KRT6A: variants seen among roughly 807,000 people sequenced by gnomAD.
KRT6A encodes keratin, type II cytoskeletal 6A.
In KRT6A, 28 loss-of-function variants were observed where a neutral mutation model predicts 48.6. The observed-to-expected ratio is 0.58, with a 90% CI of 0.43 to 0.79. The LOEUF (loss-of-function observed/expected upper bound fraction) is 0.79. KRT6A is among the 30% of genes least tolerant of loss of function. The probability of loss-of-function intolerance (pLI) is 0.00; values close to 1 mark genes in which losing one functional copy is unlikely to be tolerated. For missense variants in KRT6A, 687 were observed against 724.3 expected (o/e 0.95, Z 0.59); for synonymous variants, 301 against 294.2 (o/e 1.02, Z -0.24).
rs768293895 is a variant in KRT6A at position 52,487,864 on chromosome 12, A to G, written c.1551T>C (p.Tyr517=). ...LGLGGGSSYS[Y]GSGLGVGGGF... ...CACCTCCAACGCCAAGACCACTGCCATAGGAGTAGCTGCTTCCTCCACCCA... is the reference window on the plus strand; with the variant it reads ...CACCTCCAACGCCAAGACCACTGCCGTAGGAGTAGCTGCTTCCTCCACCCA... The change falls in exon 9 of 9, where the codon TAT becomes TAC. Residue 517 remains tyrosine, a synonymous_variant. Coordinates refer to ENST00000330722, the MANE Select transcript of KRT6A (RefSeq NM_005554.4). The G allele has an allele frequency of 5.0e-6, 8 of 1,614,052 alleles. No individual in the cohort carries two copies. The African/African-American group carries it at 8.0e-5, about 16-fold the overall frequency.
chr12:52,490,210 G>T, intron 5 of KRT6A, 142 bp from the exon 6 acceptor site: 1 of 1,524,278 alleles, frequency 6.6e-7, no homozygotes, highest in Non-Finnish European at 9.0e-7. Flanking sequence ...GATATTATGT[G>T]GTTGGTGGAT....
chr12:52,488,697 T>C (rs1221265668), intron 6 of KRT6A, 149 bp from the exon 7 acceptor site: 4 of 1,063,820 alleles, frequency 3.8e-6, no homozygotes, highest in Non-Finnish European at 5.5e-6. Flanking sequence ...TTTTTTTTTA[T>C]TTTGCAGTTT....
chr12:52,490,345 G>A (rs1938237755), intron 5 of KRT6A: 2 of 921,914 alleles, frequency 2.2e-6, no homozygotes, highest in Admixed American at 2.3e-5. Flanking sequence ...TAAATGCAGA[G>A]ATGACTATGT....
At chr12:52,491,328 GC>G (rs1938258157) in intron 2 of KRT6A, among the ~76,000 whole-genome samples, 156 bp from the exon 3 acceptor site, 1 of 151,980 alleles carries the variant, frequency 6.6e-6, no homozygotes, top group African/African-American at 2.4e-5. Context: ...TGCTAAATTT[GC>G]CACTTCTTTA....
rs562064061 is a variant in KRT6A, at chr12:52,488,530, C to T, written c.1222G>A (p.Ala408Thr). ...CCACGCTGCTCAGCATCAGCAATGGCGGCCTGCAGGTTGGCGCACTGGAAG... is the reference window on the plus strand; with the variant it reads ...CCACGCTGCTCAGCATCAGCAATGGTGGCCTGCAGGTTGGCGCACTGGAAG... Reference protein sequence around the residue: ...VKKQCANLQAAIADAEQRGEM... With the variant: ...VKKQCANLQATIADAEQRGEM... Residue 408 changes from alanine (A) to threonine (T), a missense_variant, in exon 7 of 9, where the codon GCC (alanine) becomes ACC (threonine). This residue lies in a region of KRT6A where 566 missense variants were observed against 565.3 expected (regional missense o/e 1.00). Coordinates refer to ENST00000330722, the MANE Select transcript of KRT6A (RefSeq NM_005554.4). The T allele has an allele frequency of 1.2e-5, 20 of 1,614,016 alleles. No homozygotes were observed. The highest frequency in any genetic ancestry group is 5.5e-5 in the South Asian group (5 of 91,074).
rs761237289 is a variant in KRT6A, at chr12:52,491,578, G to A, written c.699C>T (p.Gly233=). The A allele has an allele frequency of 9.9e-6, 16 of 1,614,128 alleles. No homozygotes were observed. The highest frequency in any genetic ancestry group is 1.3e-5 in the Non-Finnish European group (15 of 1,180,020). The change falls in exon 2 of 9, where the codon GGC becomes GGT. Residue 233 remains glycine, a synonymous_variant. Transcript: ENST00000330722. ...TGCCTCTGAGCTCTGAGTCCAGGCG[G>A]CCCCGTTCCCCGACAATGCTGTCCA... ...RQLDSIVGER[G]RLDSELRGMQ...
Position 52,490,638 on chromosome 12 carries a change from C to T in KRT6A, c.1008G>A (p.Glu336=), listed in dbSNP as rs759509125. The T allele has an allele frequency of 1.9e-6, 3 of 1,614,100 alleles. No individual in the cohort carries two copies. The highest frequency in any genetic ancestry group is 8.5e-7 in the Non-Finnish European group (1 of 1,180,056). The change falls in exon 5 of 9, where the codon GAG becomes GAA. Residue 336 remains glutamate (E), a synonymous_variant. Transcript: ENST00000330722. ...CAATCTCCTCATATTGGGCCTTGAC[C>T]TCAGCGATGATGCTGTCCAGGTCCA... The part of the protein sequence containing the change: ...RNLDLDSIIA[E]VKAQYEEIAQ...
Position 52,488,449 on chromosome 12 carries a change from G to T in KRT6A, c.1303C>A (p.Gln435Lys). 1 of 1,614,144 alleles carries T rather than the reference G, an allele frequency of 6.2e-7. No homozygotes were observed. Among genetic ancestry groups the T allele is most frequent in the Non-Finnish European group, 8.5e-7 (1 of 1,180,036 alleles). The change falls in exon 7 of 9, where the codon CAG becomes AAG. Residue 435 changes from glutamine to lysine, a missense_variant. Transcript: ENST00000330722. ...CGGGCCAGGTCCTGCTTGGCCTTCTGCAGGGCATCCTCCAGCCCTTCCAGC... is the reference window on the plus strand; with the variant it reads ...CGGGCCAGGTCCTGCTTGGCCTTCTTCAGGGCATCCTCCAGCCCTTCCAGC... ...NKLEGLEDAL[Q>K]KAKQDLARLL...
chr12:52,490,000 A>G lies in KRT6A; in HGVS notation c.1146T>C (p.Ala382=), dbSNP rs1938229924. The G allele has an allele frequency of 2.5e-6, 4 of 1,613,886 alleles. No individual in the cohort carries two copies. Among genetic ancestry groups the G allele is most frequent in the Non-Finnish European group, 3.4e-6 (4 of 1,180,012 alleles). Residue 382 remains alanine, a synonymous_variant, in exon 6 of 9, where the codon GCT becomes GCC. Coordinates refer to ENST00000330722, the MANE Select transcript of KRT6A (RefSeq NM_005554.4). ...GCCTCTGGATCATGCGGTTGATCTC[A>G]GCAATCTCCTGCTTGGTGTTGCGCA... ...DDLRNTKQEI[A]EINRMIQRLR...
At chr12:52,488,602 T>G in intron 6 of KRT6A, 54 bp from the exon 7 acceptor site, 1 of 1,574,600 alleles carries the variant, frequency 6.4e-7, no homozygotes, top group Non-Finnish European at 8.6e-7. Flanking sequence ...CAGAGGAGAC[T>G]AAACCTGGCT....
rs551669351 is a variant in KRT6A at position 52,490,356 on chromosome 12, C to T, written c.1077+213G>A. The T allele has an allele frequency of 6.1e-4, 581 of 956,058 alleles. 7 individuals are homozygous for T. Among genetic ancestry groups the T allele is most frequent in the South Asian group, 4.9e-3 (318 of 64,660 alleles). 59.2% of individuals were successfully genotyped at this position (956,058 alleles called of 1,614,324 possible). A position where few individuals can be genotyped will look rare whatever the true frequency, so the allele number is the denominator to read the frequency against. On this transcript the variant is annotated intron_variant, in intron 5 of 8. Transcript: ENST00000330722. ...AAGCTAAATGCAGAGATGACTATGTCCTTGTCTATGGTAGCTTTCCTCCTG... is the reference window on the plus strand; with the variant it reads ...AAGCTAAATGCAGAGATGACTATGTTCTTGTCTATGGTAGCTTTCCTCCTG...
At position 52,491,543 on chromosome 12, in the gene KRT6A, A is replaced by C. The variant is rs752985009; in HGVS notation, c.734T>G (p.Leu245Arg). 1 of 1,614,146 alleles carries C rather than the reference A, an allele frequency of 6.2e-7. No homozygotes were observed. The highest frequency in any genetic ancestry group is 8.5e-7 in the Non-Finnish European group (1 of 1,180,016). ...LDSELRGMQD[L>R]VEDFKNKYED... ...TCACTTGTTCTTGAAGTCCTCCACC[A>C]GGTCCTGCATGCCTCTGAGCTCTGA... Residue 245 changes from leucine to arginine, a missense_variant, in exon 2 of 9, where the codon CTG becomes CGG. Leu to Arg is a moderately radical substitution (Grantham distance 102). This residue lies in a region of KRT6A where 566 missense variants were observed against 565.3 expected (regional missense o/e 1.00). Transcript: ENST00000330722.
intron 4 of KRT6A, 33 bp from the exon 5 acceptor site, chr12:52,490,766 C>T (rs1938245669): frequency 1.9e-6 from 3 of 1,614,110 alleles, no homozygotes; most frequent in African/African-American, 1.3e-5. Context: ...ATCAACTTCA[C>T]TTCCGATATT....
chr12:52,490,439 T>C (rs1470308375), intron 5 of KRT6A, 130 bp downstream of exon 5: 3 of 1,448,998 alleles, frequency 2.1e-6, no homozygotes, highest in Admixed American at 1.7e-5. Context: ...TCTACTCTAA[T>C]AGTGCAGAGT....
At chr12:52,489,576 G>T (rs1191972537) in intron 6 of KRT6A, among the ~76,000 whole-genome samples, 2 of 152,108 alleles carry the variant, frequency 1.3e-5, no homozygotes, top group African/African-American at 4.8e-5. Context: ...ACTGGACAAG[G>T]CTGTATGTTT....
At chr12:52,491,201 T>C (rs137877906) in intron 2 of KRT6A, 29 bp from the exon 3 acceptor site, 6 of 1,613,674 alleles carry the variant, frequency 3.7e-6, no homozygotes, top group Non-Finnish European at 5.1e-6. Context: ...GGGACACATT[T>C]GAGCCAGTGG....
Position 52,493,199 on chromosome 12 carries a change from G to A in KRT6A, c.-11C>T. The A allele has an allele frequency of 6.2e-7, 1 of 1,614,188 alleles. No individual in the cohort carries two copies. On this transcript the variant is annotated 5_prime_UTR_variant, in exon 1 of 9. Transcript: ENST00000330722. The stretch of plus-strand genomic sequence containing the variant: ...GGATGTGCTGGCCATGGTTCCAGGA[G>A]ATGAGAGAGCTGAGGAGAGTGTGAG...
In KRT6A at chr12:52,487,579, G is replaced by C. The variant is rs1063931; in HGVS notation, c.*141C>G. On this transcript the variant is annotated 3_prime_UTR_variant, in exon 9 of 9. Transcript: ENST00000330722. ...GTATAGAGAGAGAGAGAAGAAGTGA[G>C]GGCACTAAGCATCCATACCCAGCTC... is the stretch of plus-strand genomic sequence containing the variant. The C allele has an allele frequency of 1.0e-6, 1 of 955,232 alleles. No homozygotes were observed. Among genetic ancestry groups the C allele is most frequent in the Non-Finnish European group, 1.6e-6 (1 of 625,394 alleles). The allele number at this position is 955,232 out of a possible 1,614,324, so 59.2% of individuals were successfully genotyped here.
rs570367551 is a variant in KRT6A, at chr12:52,492,129, C to G, written c.541-393G>C. 5.3e-5 allele frequency among the ~76,000 whole-genome samples: 8 copies of G among 152,302 alleles called. No homozygotes were observed. In the East Asian group the frequency reaches 1.3e-3, roughly 26 times the overall value. On this transcript the variant is annotated intron_variant, in intron 1 of 8. Coordinates refer to ENST00000330722, the MANE Select transcript of KRT6A (RefSeq NM_005554.4). Reference sequence around the variant, plus strand: ...TTAAATGTTGCCCAATGATTTGATTCCCGTCTTATTTCCCATTTGTGCAAG... The same window carrying G: ...TTAAATGTTGCCCAATGATTTGATTGCCGTCTTATTTCCCATTTGTGCAAG...
Sources: gnomAD v4.1 joint callset for allele counts (sites outside exome capture counted in the v4.1 genomes callset) on GRCh38, gnomAD v4.1.1 for gene constraint, gnomAD v4.1.1 regional missense constraint, MANE v1.5 for transcripts, NCBI Gene and HGNC (gene_info 2026-07-23, HGNC 2026-07-21) for gene names.